The following MYLK variants were observed in gnomAD, a reference collection of about 807,000 sequenced individuals.
MYLK encodes the protein myosin light chain kinase, smooth muscle.
In MYLK, 106 loss-of-function variants were observed where a neutral mutation model predicts 203.4. The observed-to-expected ratio is 0.52, with a 90% CI of 0.45 to 0.61. The LOEUF is 0.61. Among genes scored for constraint, MYLK ranks in the 20% least tolerant of loss-of-function variants. MYLK has a pLI of 0.00. For missense variants in MYLK, 2,072 were observed against 2,442.3 expected (o/e 0.85, Z 3.20); for synonymous variants, 867 against 959.5 (o/e 0.90, Z 1.78).
intron 3 of MYLK, among the ~76,000 whole-genome samples, chr3:123,816,676 A>G (rs1205680065): frequency 6.6e-6 from 1 of 152,274 alleles, no homozygotes; most frequent in African/African-American, 2.4e-5. Flanking sequence ...AAATATGCCA[A>G]TAATAGAAAT....
intron 3 of MYLK, among the ~76,000 whole-genome samples, chr3:123,827,474 A>G (rs183983949): frequency 1.3e-5 from 2 of 152,018 alleles, no homozygotes; most frequent in African/African-American, 4.8e-5. Context: ...AAGGAATCTT[A>G]CAGGCCAGGA....
rs1560041776 is a variant in MYLK, at chr3:123,666,245, A to AGGT, written c.3802_3804dup (p.Thr1268dup). 6.2e-7 allele frequency: 1 copy of AGGT among 1,614,134 alleles called. No individual in the cohort carries two copies. The highest frequency in any genetic ancestry group is 8.5e-7 in the Non-Finnish European group (1 of 1,180,056). On this transcript the variant is annotated inframe_insertion, in exon 22 of 34. Transcript: ENST00000360304. ...TGCTTTCGGAACTTCATCCAGGTAC[A>AGGT]GGTGATGGGCTGAGTGCCTGTCACT... is the stretch of plus-strand genomic sequence containing the variant.
intron 13 of MYLK, among the ~76,000 whole-genome samples, chr3:123,719,265 C>A (rs1305653541): frequency 2.0e-5 from 3 of 152,164 alleles, no homozygotes; most frequent in Non-Finnish European, 4.4e-5. Flanking sequence ...CGAGAGAAGA[C>A]AACTGGAGGG....
At chr3:123,653,190 C>T (rs906840039) in intron 24 of MYLK, among the ~76,000 whole-genome samples, 3 of 152,034 alleles carry the variant, frequency 2.0e-5, no homozygotes, top group African/African-American at 7.3e-5. Context: ...CCATCTGCTC[C>T]ACAGAAATGA....
chr3:123,742,319 T>C (rs1400193613), intron 5 of MYLK, among the ~76,000 whole-genome samples: 1 of 152,192 alleles, frequency 6.6e-6, no homozygotes, highest in East Asian at 1.9e-4. Flanking sequence ...TTGTGCAGCA[T>C]ACAAAATTAC....
intron 2 of MYLK, among the ~76,000 whole-genome samples, chr3:123,833,301 C>T (rs2066392720): frequency 6.6e-6 from 1 of 152,168 alleles, no homozygotes; most frequent in Non-Finnish European, 1.5e-5. Context: ...ATCTCTTGAC[C>T]TTGAAGAGAA....
chr3:123,748,922 A>G (rs2063104614), intron 5 of MYLK, among the ~76,000 whole-genome samples: 1 of 152,080 alleles, frequency 6.6e-6, no homozygotes, highest in Admixed American at 6.5e-5. Context: ...TACAAAAATT[A>G]GCCGGGCGTG....
chr3:123,727,705 G>A (rs967780530), intron 11 of MYLK, among the ~76,000 whole-genome samples: 1 of 152,144 alleles, frequency 6.6e-6, no homozygotes, highest in Non-Finnish European at 1.5e-5. Flanking sequence ...GGGCTCTCAA[G>A]TGGAAGGAAG....
intron 22 of MYLK, among the ~76,000 whole-genome samples, chr3:123,665,889 G>T (rs570109662): frequency 6.6e-6 from 1 of 152,184 alleles, no homozygotes; most frequent in African/African-American, 2.4e-5. Flanking sequence ...GGGTCATCTT[G>T]GGTCACAGGC....
At chr3:123,803,853 T>C (rs1045956996) in intron 3 of MYLK, among the ~76,000 whole-genome samples, 1 of 152,360 alleles carries the variant, frequency 6.6e-6, no homozygotes. Context: ...GCAGTGATTC[T>C]AGCTCCTCTG....
chr3:123,637,615 T>C (rs991362954), intron 29 of MYLK, among the ~76,000 whole-genome samples: 10 of 152,208 alleles, frequency 6.6e-5, no homozygotes, highest in Admixed American at 3.3e-4. Context: ...GACTCAAAGA[T>C]GAGGCTAGTA....
Position 123,709,677 on chromosome 3 carries a change from C to T in MYLK, c.1942+79G>A, listed in dbSNP as rs1560111940. 13 of 1,575,584 alleles carry T rather than the reference C, an allele frequency of 8.3e-6. 1 individual carries two copies. Among genetic ancestry groups the T allele is most frequent in the Middle Eastern group, 4.6e-4 (2 of 4,376 alleles). On this transcript the variant is annotated intron_variant, in intron 14 of 33. Transcript: ENST00000360304. ...TTTTCTGGTGGATCAAGGATCTGAGCGGGTCCTCGGAGAGCAATACCCATT... is the reference window on the plus strand; with the variant it reads ...TTTTCTGGTGGATCAAGGATCTGAGTGGGTCCTCGGAGAGCAATACCCATT...
intron 2 of MYLK, among the ~76,000 whole-genome samples, chr3:123,859,699 C>T (rs1209257992): frequency 1.3e-5 from 2 of 152,044 alleles, no homozygotes; most frequent in Non-Finnish European, 2.9e-5. Flanking sequence ...GAAAAATGAG[C>T]CAAGGACAAG....
At chr3:123,711,218 G>T (rs1353268572) in intron 13 of MYLK, among the ~76,000 whole-genome samples, 37 of 152,040 alleles carry the variant, frequency 2.4e-4, no homozygotes, top group Non-Finnish European at 1.0e-4. Flanking sequence ...GGGACGGGGG[G>T]TTGGATTATA....
intron 21 of MYLK, 102 bp from the exon 22 acceptor site, chr3:123,666,448 G>C (rs2059738017): frequency 1.3e-6 from 2 of 1,535,278 alleles, no homozygotes; most frequent in Admixed American, 3.6e-5. Flanking sequence ...TTCTCTCTTG[G>C]CTTCCGGAAC....
intron 23 of MYLK, among the ~76,000 whole-genome samples, chr3:123,661,579 G>A (rs897641739): frequency 6.6e-6 from 1 of 152,114 alleles, no homozygotes; most frequent in South Asian, 2.1e-4. Flanking sequence ...AGTCTTCCCC[G>A]ATCTGAAACT....
chr3:123,661,816 G>A (rs947326546), intron 23 of MYLK, among the ~76,000 whole-genome samples: 7 of 152,160 alleles, frequency 4.6e-5, no homozygotes, highest in Non-Finnish European at 7.4e-5. Context: ...TCCCTCTCCC[G>A]GGTCCCCTGT....
intron 29 of MYLK, among the ~76,000 whole-genome samples, chr3:123,637,541 T>A (rs1271851937): frequency 6.6e-6 from 1 of 152,200 alleles, no homozygotes; most frequent in Non-Finnish European, 1.5e-5. Flanking sequence ...GTTACTTTCT[T>A]TTATCTGTTA....
At chr3:123,659,282 G>A (rs750130238) in intron 23 of MYLK, among the ~76,000 whole-genome samples, 7 of 152,142 alleles carry the variant, frequency 4.6e-5, no homozygotes, top group Non-Finnish European at 1.0e-4. Flanking sequence ...GCTTATAAAC[G>A]AATGCACTCT....
Sources: gnomAD v4.1 joint callset for allele counts (sites outside exome capture counted in the v4.1 genomes callset) on GRCh38, gnomAD v4.1.1 for gene constraint, MANE v1.5 for transcripts, NCBI Gene and HGNC (gene_info 2026-07-23, HGNC 2026-07-21) for gene names.